The following JAKMIP1 variants were observed in gnomAD, a reference collection of about 807,000 sequenced individuals.
The protein encoded by JAKMIP1 is janus kinase and microtubule-interacting protein 1.
A neutral mutation model predicts 113.0 loss-of-function variants in JAKMIP1; 33 were observed. The observed-to-expected ratio is 0.29, with a 90% CI of 0.22 to 0.39. JAKMIP1 has a LOEUF of 0.39. Ranked by LOEUF, JAKMIP1 falls within the 10% of genes least tolerant of loss-of-function variation. JAKMIP1 has a pLI of 1.00. For missense variants in JAKMIP1, 813 were observed against 1,080.5 expected, an observed-to-expected ratio of 0.75 and a Z score of 3.47; for synonymous variants, 480 against 459.9, an observed-to-expected ratio of 1.04 and a Z score of -0.56.
chr4:6,148,837 G>A (rs890692376), intron 1 of JAKMIP1, among the ~76,000 whole-genome samples: 52 of 152,224 alleles, frequency 3.4e-4, no homozygotes, highest in African/African-American at 1.1e-3. Context: ...AGAAGCCCCC[G>A]TTTTATTTAT....
chr4:6,135,853 T>TAACACCTTGGCAG lies in JAKMIP1; in HGVS notation c.-147-22869_-147-22857dup, dbSNP rs574477774. Among the ~76,000 whole-genome samples, 64 of 149,530 alleles carry TAACACCTTGGCAG rather than the reference T, an allele frequency of 4.3e-4. No individual in the cohort carries two copies. Among genetic ancestry groups the TAACACCTTGGCAG allele is most frequent in the African/African-American group, 1.4e-3 (55 of 40,442 alleles). ...TTACTAACAGTTTCAGATAGCCACC[T>TAACACCTTGGCAG]AACACCTTGGCAGAGGCTGGTGTCA... On this transcript the variant is annotated intron_variant, in intron 1 of 20. Coordinates refer to ENST00000409021, the MANE Select transcript of JAKMIP1 (RefSeq NM_001099433.2). This position sits in a 1 kb window ranked among gnomAD's most constrained non-coding sequence, Gnocchi z 4.9.
intron 1 of JAKMIP1, among the ~76,000 whole-genome samples, chr4:6,198,199 G>A (rs966695705): frequency 6.6e-6 from 1 of 152,220 alleles, no homozygotes; most frequent in African/African-American, 2.4e-5. Flanking sequence ...ACACAAATGA[G>A]AGAAGCACAC....
At chr4:6,170,274 C>T (rs1328471473) in intron 1 of JAKMIP1, among the ~76,000 whole-genome samples, 10 of 148,090 alleles carry the variant, frequency 6.8e-5, no homozygotes, top group African/African-American at 7.6e-5. Flanking sequence ...ACCACCACCA[C>T]CATCACCACC....
chr4:6,148,207 C>A (rs1402489229), intron 1 of JAKMIP1, among the ~76,000 whole-genome samples: 2 of 152,220 alleles, frequency 1.3e-5, no homozygotes, highest in Admixed American at 6.5e-5. Flanking sequence ...AGTTGAATAG[C>A]AGCTGGAGTG....
At chr4:6,172,059 C>G (rs1029783706) in intron 1 of JAKMIP1, among the ~76,000 whole-genome samples, 2 of 152,234 alleles carry the variant, frequency 1.3e-5, no homozygotes, top group Non-Finnish European at 2.9e-5. Context: ...CATCCCACAC[C>G]AGGCCACGCA....
intron 1 of JAKMIP1, among the ~76,000 whole-genome samples, chr4:6,175,272 G>A (rs776731044): frequency 3.9e-5 from 6 of 152,106 alleles, no homozygotes; most frequent in South Asian, 2.1e-4. Context: ...GATAGAACCG[G>A]GACACAAGTA....
chr4:6,163,877 C>T (rs1723256425), intron 1 of JAKMIP1, among the ~76,000 whole-genome samples: 1 of 152,196 alleles, frequency 6.6e-6, no homozygotes, highest in South Asian at 2.1e-4. Flanking sequence ...CAGAGCAAGG[C>T]CCTAACTCTC....
chr4:6,115,494 G>A (rs1027952597), intron 1 of JAKMIP1, among the ~76,000 whole-genome samples: 4 of 152,178 alleles, frequency 2.6e-5, no homozygotes, highest in African/African-American at 9.7e-5. Flanking sequence ...TTTTCACTCA[G>A]TCACAAATAT....
Position 6,050,536 on chromosome 4 carries a change from C to A in JAKMIP1, c.1908+42G>T. The A allele has an allele frequency of 2.8e-6, 4 of 1,429,006 alleles. No homozygotes were observed. Among genetic ancestry groups the A allele is most frequent in the Non-Finnish European group, 3.9e-6 (4 of 1,036,768 alleles). The allele number at this position is 1,429,006 out of a possible 1,614,324, so 88.5% of individuals were successfully genotyped here. A position where few individuals can be genotyped will look rare whatever the true frequency, so the allele number is the denominator to read the frequency against. On this transcript the variant is annotated intron_variant, in intron 14 of 20. Coordinates refer to ENST00000409021, the MANE Select transcript of JAKMIP1 (RefSeq NM_001099433.2). This position sits in a 1 kb window ranked among gnomAD's most constrained non-coding sequence, Gnocchi z 7.4. Reference sequence around the variant, plus strand: ...CAGCTGAGCCGGGCACTGAGCGAGCCCTTGGCTGGCATTCAGCAGAGGCAC... The same window carrying A: ...CAGCTGAGCCGGGCACTGAGCGAGCACTTGGCTGGCATTCAGCAGAGGCAC...
At position 6,081,703 on chromosome 4, in the gene JAKMIP1, T is replaced by C. The variant is rs1309438924; in HGVS notation, c.1007A>G (p.Asn336Ser). The C allele has an allele frequency of 6.2e-7, 1 of 1,614,082 alleles. No homozygotes were observed. Among genetic ancestry groups the C allele is most frequent in the Non-Finnish European group, 8.5e-7 (1 of 1,180,050 alleles). ...CTCATTCTTCTTGTTCATCCGCTTG[T>C]TCTTCTCCACCAGGGGCTTCAGCTG... Reference protein sequence around the residue: ...EVQLKPLVEKNKRMNKKNEDL... With the variant: ...EVQLKPLVEKSKRMNKKNEDL... Residue 336 changes from asparagine (N) to serine (S), a missense_variant, in exon 6 of 21, where the codon AAC becomes AGC. By Grantham distance (46) the Asn-to-Ser change is conservative (BLOSUM62 1). This residue lies in a region of JAKMIP1 where 540 missense variants were observed against 653.9 expected (regional missense o/e 0.83). Transcript: ENST00000409021. The surrounding 1 kb of genome is among the most constrained non-coding windows in gnomAD (Gnocchi z 4.6).
rs781339788 is a variant in JAKMIP1, at chr4:6,106,002, C to T, written c.130-35G>A. Reference sequence around the variant, plus strand: ...GAGCGGCGAGAGAGCCGGTCAGGGTCAGGGTCAGGGTCAGGGTCAGGGTCA... The same window carrying T: ...GAGCGGCGAGAGAGCCGGTCAGGGTTAGGGTCAGGGTCAGGGTCAGGGTCA... On this transcript the variant is annotated intron_variant, in intron 2 of 20. Coordinates refer to ENST00000409021, the MANE Select transcript of JAKMIP1 (RefSeq NM_001099433.2). This position sits in a 1 kb window ranked among gnomAD's most constrained non-coding sequence, Gnocchi z 5.9. 1 of 1,139,524 alleles carries T rather than the reference C, an allele frequency of 8.8e-7. No individual in the cohort carries two copies. The highest frequency in any genetic ancestry group is 1.5e-5 in the South Asian group (1 of 67,434). The allele number at this position is 1,139,524 out of a possible 1,614,324, so 70.6% of individuals were successfully genotyped here. A position where few individuals can be genotyped will look rare whatever the true frequency, so the allele number is the denominator to read the frequency against.
chr4:6,045,328 T>C (rs1714843966), intron 16 of JAKMIP1, among the ~76,000 whole-genome samples: 1 of 152,228 alleles, frequency 6.6e-6, no homozygotes. Context: ...CAATGTCTCA[T>C]GGTTCAGGTT....
intron 18 of JAKMIP1, among the ~76,000 whole-genome samples, chr4:6,038,977 T>G (rs929645247): frequency 6.6e-6 from 1 of 152,222 alleles, no homozygotes; most frequent in Non-Finnish European, 1.5e-5. Flanking sequence ...CATGGACACA[T>G]GGCCCTGTCA....
At position 6,042,028 on chromosome 4, in the gene JAKMIP1, C is replaced by T; in HGVS notation, c.2097+131G>A. ...ATGGGTGACAATTACTTAGAACAAC[C>T]ACTGGGGCAAAAGCAAAATTGAGAA... On this transcript the variant is annotated intron_variant, in intron 17 of 20. Coordinates refer to ENST00000409021, the MANE Select transcript of JAKMIP1 (RefSeq NM_001099433.2). This position sits in a 1 kb window ranked among gnomAD's most constrained non-coding sequence, Gnocchi z 5.2. 1.4e-6 allele frequency: 1 copy of T among 700,070 alleles called. No homozygotes were observed. Among genetic ancestry groups the T allele is most frequent in the Non-Finnish European group, 2.5e-6 (1 of 399,444 alleles). 43.4% of individuals were successfully genotyped at this position (700,070 alleles called of 1,614,324 possible).
rs1308741242 is a variant in JAKMIP1, at chr4:6,186,210, G to T, written c.-148+14043C>A. Among the ~76,000 whole-genome samples, 1 of 152,216 alleles carries T rather than the reference G, an allele frequency of 6.6e-6. No homozygotes were observed. The highest frequency in any genetic ancestry group is 6.5e-5 in the Admixed American group (1 of 15,286). On this transcript the variant is annotated intron_variant, in intron 1 of 20. Coordinates refer to ENST00000409021, the MANE Select transcript of JAKMIP1 (RefSeq NM_001099433.2). This position sits in a 1 kb window ranked among gnomAD's most constrained non-coding sequence, Gnocchi z 5.5. ...CTTCCCTGGAGCTTGCCAGGGGCAG[G>T]TCAGGCGGATGGGCAGGATGCAGAC...
intron 1 of JAKMIP1, among the ~76,000 whole-genome samples, chr4:6,148,199 T>G (rs962921589): frequency 3.9e-5 from 6 of 152,178 alleles, no homozygotes; most frequent in African/African-American, 1.4e-4. Flanking sequence ...TACCCCCAAG[T>G]TGAATAGCAG....
chr4:6,170,024 CA>C (rs1724206501), intron 1 of JAKMIP1, among the ~76,000 whole-genome samples: 1 of 141,806 alleles, frequency 7.1e-6, no homozygotes, highest in Non-Finnish European at 1.5e-5. Context: ...ACCACCACCA[CA>C]TTCCCATCAC....
intron 1 of JAKMIP1, among the ~76,000 whole-genome samples, chr4:6,190,430 A>G (rs1213520887): frequency 6.6e-6 from 1 of 152,036 alleles, no homozygotes; most frequent in Non-Finnish European, 1.5e-5. Context: ...AGACTTGCTC[A>G]TCCTACACTC....
chr4:6,066,080 T>C (rs906671511), intron 8 of JAKMIP1, among the ~76,000 whole-genome samples: 4 of 151,966 alleles, frequency 2.6e-5, no homozygotes, highest in Admixed American at 2.6e-4. Flanking sequence ...GAAGAATGAA[T>C]CAAAACTGAA....
Sources: allele counts gnomAD v4.1 joint callset (sites outside exome capture counted in the v4.1 genomes callset), GRCh38; gene constraint gnomAD v4.1.1; regional missense constraint gnomAD v4.1.1; non-coding constraint Gnocchi (gnomAD v3.1); transcripts MANE v1.5; gene names NCBI Gene and HGNC (gene_info 2026-07-23, HGNC 2026-07-21).